Variants in AGAP1 observed in about 807,000 individuals in gnomAD.
AGAP1 encodes the protein ArfGAP with GTPase domain, ankyrin repeat and PH domain 1.
Under a neutral mutation model 105.3 loss-of-function variants are expected in AGAP1, and 29 were observed. The observed-to-expected ratio is 0.28, with a 90% CI of 0.21 to 0.38. The LOEUF (loss-of-function observed/expected upper bound fraction) is 0.38, where lower values mean the gene tolerates loss of function less well. AGAP1 is among the 10% of genes least tolerant of loss of function. AGAP1 has a pLI of 1.00. For synonymous variants in AGAP1, 509 were observed against 485.9 expected (o/e 1.05, Z -0.63); for missense variants, 998 against 1,165.1 (o/e 0.86, Z 2.09).
At chr2:235,558,001 G>T (rs1157620178) in intron 1 of AGAP1, among the ~76,000 whole-genome samples, 1 of 152,212 alleles carries the variant, frequency 6.6e-6, no homozygotes, top group Non-Finnish European at 1.5e-5. Context: ...GAACAAAGTG[G>T]TCTTTAGAGG....
In AGAP1 at chr2:235,918,180, C is replaced by T. The variant is rs1267580040; in HGVS notation, c.1324+9274C>T. 5.3e-5 allele frequency among the ~76,000 whole-genome samples: 8 copies of T among 152,212 alleles called. 2 individuals carry two copies. Among genetic ancestry groups the T allele is most frequent in the Non-Finnish European group, 1.2e-4 (8 of 68,046 alleles). On this transcript the variant is annotated intron_variant, in intron 11 of 17. Transcript: ENST00000304032. ...ACCAAGGTCACTCGGGAGTTTTCCA[C>T]ACATTGGATCTTGGTTACAACATAT...
intron 9 of AGAP1, among the ~76,000 whole-genome samples, chr2:235,869,758 C>T (rs1161177999): frequency 6.6e-6 from 1 of 152,202 alleles, no homozygotes; most frequent in Non-Finnish European, 1.5e-5. Flanking sequence ...TATCTGATGC[C>T]TCAGCAAAAG....
At chr2:236,108,017 C>T (rs2017821) in intron 16 of AGAP1, among the ~76,000 whole-genome samples, 55,614 of 152,218 alleles carry the variant, frequency 0.37, 11,068 homozygotes, top group Middle Eastern at 0.55. Flanking sequence ...TAGCATAAAT[C>T]CTTGTCCACT....
chr2:235,895,093 T>C (rs1022387630), intron 10 of AGAP1, among the ~76,000 whole-genome samples: 9 of 152,224 alleles, frequency 5.9e-5, no homozygotes, highest in African/African-American at 1.9e-4. Context: ...CATACTCCCC[T>C]GAGTGTGCAG....
At chr2:235,637,355 C>G (rs1204143002) in intron 1 of AGAP1, among the ~76,000 whole-genome samples, 1 of 152,182 alleles carries the variant, frequency 6.6e-6, no homozygotes. Flanking sequence ...TCACTGCAGC[C>G]TCGACCTCCT....
In AGAP1 at chr2:235,614,005, A is replaced by G. The variant is rs1946225551; in HGVS notation, c.164-95174A>G. Among the ~76,000 whole-genome samples the G allele has an allele frequency of 7.2e-6, 1 of 139,608 alleles. No homozygotes were observed. The highest frequency in any genetic ancestry group is 2.2e-4 in the South Asian group (1 of 4,620). 91.6% of individuals were successfully genotyped at this position (139,608 alleles called of 152,430 possible). A position where few individuals can be genotyped will look rare whatever the true frequency, so the allele number is the denominator to read the frequency against. ...TGAGTCAGAATTCAGAATCTTTGGT[A>G]TGGTTTTTTTTTTTTCCCCCTTTTG... On this transcript the variant is annotated intron_variant, in intron 1 of 17. Coordinates refer to ENST00000304032, the MANE Select transcript of AGAP1 (RefSeq NM_001037131.3). This position sits in a 1 kb window ranked among gnomAD's most constrained non-coding sequence, Gnocchi z 4.7.
chr2:235,710,055 C>T (rs1380000865), intron 2 of AGAP1, among the ~76,000 whole-genome samples: 1 of 152,126 alleles, frequency 6.6e-6, no homozygotes, highest in Non-Finnish European at 1.5e-5. Context: ...TATGTATTTT[C>T]TAATTTGACC....
At position 235,557,354 on chromosome 2, in the gene AGAP1, T is replaced by C. The variant is rs1465412771; in HGVS notation, c.163+62505T>C. On this transcript the variant is annotated intron_variant, in intron 1 of 17. Coordinates refer to ENST00000304032, the MANE Select transcript of AGAP1 (RefSeq NM_001037131.3). This position sits in a 1 kb window ranked among gnomAD's most constrained non-coding sequence, Gnocchi z 4.7. Reference sequence around the variant, plus strand: ...ACCGCGTGTTGATTTTATTTAAGACTGGAAAGGCTTGTCCATGTATCGCCG... The same window carrying C: ...ACCGCGTGTTGATTTTATTTAAGACCGGAAAGGCTTGTCCATGTATCGCCG... 6.6e-5 allele frequency among the ~76,000 whole-genome samples: 10 copies of C among 152,072 alleles called. No individual in the cohort carries two copies. The highest frequency in any genetic ancestry group is 5.9e-5 in the Non-Finnish European group (4 of 68,008).
chr2:235,983,640 G>A lies in AGAP1; in HGVS notation c.1645+15017G>A, dbSNP rs10182659. ...GGTGGTCCCATGAGATTATAATACC[G>A]TGTCCTTACTGTGCCTTTTCTATGG... On this transcript the variant is annotated intron_variant, in intron 13 of 17. Coordinates refer to ENST00000304032, the MANE Select transcript of AGAP1 (RefSeq NM_001037131.3). The surrounding 1 kb of genome is among the most constrained non-coding windows in gnomAD (Gnocchi z 4.5). Among the ~76,000 whole-genome samples the A allele has an allele frequency of 7.3e-3, 1,114 of 152,142 alleles. 13 individuals are homozygous for A. Among genetic ancestry groups the A allele is most frequent in the African/African-American group, 0.026 (1,059 of 41,496 alleles).
chr2:235,819,544 C>G (rs566050696), intron 9 of AGAP1, among the ~76,000 whole-genome samples: 85 of 152,266 alleles, frequency 5.6e-4, no homozygotes, highest in Middle Eastern at 6.8e-3. Context: ...AAATAGATGA[C>G]TCTTTGATTC....
At chr2:235,670,757 A>T (rs1171438407) in intron 1 of AGAP1, 2 of 1,060,014 alleles carry the variant, frequency 1.9e-6, no homozygotes, top group African/African-American at 1.7e-5. Flanking sequence ...GCTCAGCAAG[A>T]ACGACGCGCT....
chr2:235,644,896 C>CT (rs74548435), intron 1 of AGAP1, among the ~76,000 whole-genome samples: 2,390 of 143,770 alleles, frequency 0.017, 44 homozygotes, highest in African/African-American at 0.048. Flanking sequence ...AGGTGTAAGA[C>CT]TTTTTTTTTT....
rs559911210 is a variant in AGAP1 at position 235,888,648 on chromosome 2, T to C, written c.1155+5199T>C. Among the ~76,000 whole-genome samples the C allele has an allele frequency of 5.3e-5, 8 of 151,502 alleles. No homozygotes were observed. The highest frequency in any genetic ancestry group is 1.9e-4 in the African/African-American group (8 of 41,208). On this transcript the variant is annotated intron_variant, in intron 10 of 17. Coordinates refer to ENST00000304032, the MANE Select transcript of AGAP1 (RefSeq NM_001037131.3). This position sits in a 1 kb window ranked among gnomAD's most constrained non-coding sequence, Gnocchi z 4.8. ...GAGCCAGGAGGTCAGGGCTTCACAG[T>C]GAGCTATGATCGTGCCACTGCACTC...
rs61629826 is a variant in AGAP1 at position 235,888,039 on chromosome 2, A to C, written c.1155+4590A>C. On this transcript the variant is annotated intron_variant, in intron 10 of 17. Transcript: ENST00000304032. This position sits in a 1 kb window ranked among gnomAD's most constrained non-coding sequence, Gnocchi z 4.8. ...TCCACGTGTGTGCCGCTCACAGTCC[A>C]CGTAAGGCTGCGCCCTGGTGCCACC... Among the ~76,000 whole-genome samples the C allele has an allele frequency of 0.047, 7,144 of 152,166 alleles. 407 individuals carry two copies. The highest frequency in any genetic ancestry group is 0.13 in the African/African-American group (5,509 of 41,502).
At position 235,562,017 on chromosome 2, in the gene AGAP1, A is replaced by T. The variant is rs187859395; in HGVS notation, c.163+67168A>T. Among the ~76,000 whole-genome samples the T allele has an allele frequency of 9.8e-5, 15 of 152,340 alleles. No homozygotes were observed. The East Asian group carries it at 2.5e-3, about 25-fold the overall frequency. ...ACCTTGACATTGTCAAAATAGCAAA[A>T]ACACACATCTTAACAAATGATGGCA... On this transcript the variant is annotated intron_variant, in intron 1 of 17. Coordinates refer to ENST00000304032, the MANE Select transcript of AGAP1 (RefSeq NM_001037131.3).
In AGAP1 at chr2:236,046,359, C is replaced by T. The variant is rs1197806320; in HGVS notation, c.1892-2700C>T. ...TGTGAAGAGGTCTGCAGGGAAGTGACGGGCAAGGCCGCAGACAGGAGCCCC... is the reference window on the plus strand; with the variant it reads ...TGTGAAGAGGTCTGCAGGGAAGTGATGGGCAAGGCCGCAGACAGGAGCCCC... On this transcript the variant is annotated intron_variant, in intron 15 of 17. Transcript: ENST00000304032. The surrounding 1 kb of genome is among the most constrained non-coding windows in gnomAD (Gnocchi z 5.2). Among the ~76,000 whole-genome samples the T allele has an allele frequency of 2.0e-5, 3 of 152,124 alleles. No individual in the cohort carries two copies. Among genetic ancestry groups the T allele is most frequent in the Non-Finnish European group, 2.9e-5 (2 of 68,026 alleles).
intron 6 of AGAP1, among the ~76,000 whole-genome samples, chr2:235,770,545 G>T (rs1163297011): frequency 6.6e-6 from 1 of 152,116 alleles, no homozygotes; most frequent in Non-Finnish European, 1.5e-5. Context: ...CTCAAGTGGG[G>T]GCTCCGGAGG....
At position 235,625,669 on chromosome 2, in the gene AGAP1, A is replaced by G. The variant is rs1946614594; in HGVS notation, c.164-83510A>G. Among the ~76,000 whole-genome samples the G allele has an allele frequency of 6.6e-6, 1 of 152,208 alleles. No individual in the cohort carries two copies. The highest frequency in any genetic ancestry group is 2.4e-5 in the African/African-American group (1 of 41,466). ...GGATCTTTGTGCAACTTTTCTAAAT[A>G]CAGAGTTGGTTGTGACATATTCAGC... On this transcript the variant is annotated intron_variant, in intron 1 of 17. Transcript: ENST00000304032. The surrounding 1 kb of genome is among the most constrained non-coding windows in gnomAD (Gnocchi z 4.0).
At position 235,782,876 on chromosome 2, in the gene AGAP1, G is replaced by A. The variant is rs180673712; in HGVS notation, c.674-14883G>A. 7.2e-5 allele frequency among the ~76,000 whole-genome samples: 11 copies of A among 152,318 alleles called. No homozygotes were observed. In the East Asian group the frequency reaches 1.9e-3, roughly 27 times the overall value. ...ACCTACTGATTGTGTTTAAGTTGAA[G>A]TATACCTTTTCCAAGTAGCTGTGTA... On this transcript the variant is annotated intron_variant, in intron 6 of 17. Transcript: ENST00000304032.
Sources: gnomAD v4.1 joint callset for allele counts (sites outside exome capture counted in the v4.1 genomes callset) on GRCh38, gnomAD v4.1.1 for gene constraint, Gnocchi (gnomAD v3.1) non-coding constraint, MANE v1.5 for transcripts, NCBI Gene and HGNC (gene_info 2026-07-23, HGNC 2026-07-21) for gene names.